Variants in PHIP observed in about 807,000 individuals in gnomAD.
PHIP encodes PH-interacting protein.
PHIP carries 54 observed loss-of-function variants against 236.8 expected under a neutral mutation model. The observed-to-expected ratio is 0.23, with a 90% CI of 0.18 to 0.29. The LOEUF is 0.29. Ranked by LOEUF, PHIP falls within the 10% of genes least tolerant of loss-of-function variation. The pLI is 1.00. For synonymous variants in PHIP, 756 were observed against 718.9 expected (o/e 1.05, Z -0.83); for missense variants, 1,370 against 2,190.8 (o/e 0.63, Z 7.48).
In PHIP at chr6:78,954,812, A is replaced by G; in HGVS notation, c.4053+2T>C. 6.4e-7 allele frequency: 1 copy of G among 1,569,978 alleles called. No individual in the cohort carries two copies. Among genetic ancestry groups the G allele is most frequent in the Non-Finnish European group, 8.6e-7 (1 of 1,162,576 alleles). ...AAAGAAAATATTTTCAAAAATACTT[A>G]CTGGATATTCAAGGAGATCTACCGG... On this transcript the variant is annotated splice_donor_variant, in intron 35 of 39. Coordinates refer to ENST00000275034, the MANE Select transcript of PHIP (RefSeq NM_017934.7). LOFTEE classifies it high-confidence loss of function.
At position 78,990,952 on chromosome 6, in the gene PHIP, T is replaced by C. The variant is rs1242656285; in HGVS notation, c.2235A>G (p.Glu745=). The change falls in exon 20 of 40, where the codon GAA becomes GAG. Residue 745 remains glutamate (E), a synonymous_variant. Transcript: ENST00000275034. ...CTGACCTGTAAGTCTTTATTTCTTC[T>C]TCTCCCTTTGCAGTTCTCCATTCTT... The part of the protein sequence containing the change: ...RQEEWRTAKG[E]EEIKTYRSEE... 6 of 1,611,670 alleles carry C rather than the reference T, an allele frequency of 3.7e-6. No homozygotes were observed. Among genetic ancestry groups the C allele is most frequent in the Non-Finnish European group, 5.1e-6 (6 of 1,178,214 alleles).
chr6:79,014,265 ATAATT>A (rs1328757454), intron 15 of PHIP, among the ~76,000 whole-genome samples: 1 of 151,776 alleles, frequency 6.6e-6, no homozygotes, highest in Non-Finnish European at 1.5e-5. Flanking sequence ...GTTTTGTGAA[ATAATT>A]TATTTGGCAA....
intron 21 of PHIP, among the ~76,000 whole-genome samples, chr6:78,987,271 A>G (rs1562154976): frequency 6.6e-6 from 1 of 152,124 alleles, no homozygotes; most frequent in Non-Finnish European, 1.5e-5. Context: ...ACATTTTATA[A>G]GATAAATAAT....
At chr6:79,029,945 G>A (rs1413981190) in intron 7 of PHIP, among the ~76,000 whole-genome samples, 2 of 152,090 alleles carry the variant, frequency 1.3e-5, no homozygotes, top group East Asian at 3.9e-4. Flanking sequence ...CTAGTTCCAC[G>A]AATGTTACTA....
intron 10 of PHIP, among the ~76,000 whole-genome samples, chr6:79,018,598 A>G (rs1246158715): frequency 6.6e-6 from 1 of 151,996 alleles, no homozygotes; most frequent in Admixed American, 6.6e-5. Context: ...TGCTGCATAA[A>G]CACAAATCTG....
Position 79,002,143 on chromosome 6 carries a change from A to G in PHIP, c.1654-19T>C. ...CTGCTATCTGCAAAAAGAAAAGTCC[A>G]TAAAAGACTGGAAAAATAAAAATGT... On this transcript the variant is annotated intron_variant, in intron 16 of 39. Coordinates refer to ENST00000275034, the MANE Select transcript of PHIP (RefSeq NM_017934.7). 6.5e-7 allele frequency: 1 copy of G among 1,533,214 alleles called. No homozygotes were observed. The highest frequency in any genetic ancestry group is 9.0e-7 in the Non-Finnish European group (1 of 1,115,560). 95.0% of individuals were successfully genotyped at this position (1,533,214 alleles called of 1,614,324 possible).
chr6:79,046,447 T>C (rs969000526), intron 6 of PHIP, among the ~76,000 whole-genome samples: 3 of 152,190 alleles, frequency 2.0e-5, no homozygotes, highest in Non-Finnish European at 4.4e-5. Context: ...TTATTTATTA[T>C]ATTCATTGCT....
rs760214958 is a variant in PHIP, at chr6:78,940,699, A to G, written c.5460T>C (p.Gly1820=). Residue 1820 remains glycine, a synonymous_variant, in exon 40 of 40, where the codon GGT becomes GGC. Coordinates refer to ENST00000275034, the MANE Select transcript of PHIP (RefSeq NM_017934.7). ...LTEKAKANLI[G]W ...TAAAATATTTTGGTACAAGTTACCA[A>G]CCAATTAAATTAGCTTTTGCTTTTT... The G allele has an allele frequency of 6.2e-7, 1 of 1,609,144 alleles. No individual in the cohort carries two copies. Among genetic ancestry groups the G allele is most frequent in the Non-Finnish European group, 8.5e-7 (1 of 1,176,656 alleles).
Position 78,971,837 on chromosome 6 carries a change from G to A in PHIP, c.2890-949C>T, listed in dbSNP as rs182840758. Among the ~76,000 whole-genome samples the A allele has an allele frequency of 2.7e-3, 405 of 150,444 alleles. 3 individuals are homozygous for A. Among genetic ancestry groups the A allele is most frequent in the African/African-American group, 5.5e-3 (226 of 40,906 alleles). ...TTTTCCAATGGGCTTAAAAAACGGC[G>A]CACCACGAAATTATATCCCGCACCT... On this transcript the variant is annotated intron_variant, in intron 24 of 39. Coordinates refer to ENST00000275034, the MANE Select transcript of PHIP (RefSeq NM_017934.7).
At chr6:79,074,193 G>A (rs1774031086) in intron 4 of PHIP, among the ~76,000 whole-genome samples, 1 of 151,932 alleles carries the variant, frequency 6.6e-6, no homozygotes, top group Non-Finnish European at 1.5e-5. Flanking sequence ...AGAAAGGCAA[G>A]TATCACTATT....
intron 35 of PHIP, among the ~76,000 whole-genome samples, chr6:78,951,408 T>C (rs2050661): frequency 0.45 from 68,977 of 151,968 alleles, 16,252 homozygotes; most frequent in East Asian, 0.69. Context: ...CTTTGAATAT[T>C]TGATTAAACT....
At chr6:78,989,387 A>G (rs191219054) in intron 20 of PHIP, among the ~76,000 whole-genome samples, 42 of 152,286 alleles carry the variant, frequency 2.8e-4, no homozygotes, top group Non-Finnish European at 5.1e-4. Context: ...GTCCCAACGC[A>G]CTCTGGCCTG....
At chr6:78,953,027 CCTT>C (rs1046524412) in intron 35 of PHIP, among the ~76,000 whole-genome samples, 2 of 151,152 alleles carry the variant, frequency 1.3e-5, no homozygotes, top group African/African-American at 4.9e-5. Flanking sequence ...TAGATCACTC[CCTT>C]ATATAGGTGT....
chr6:78,995,713 G>A (rs964966429), intron 19 of PHIP, among the ~76,000 whole-genome samples: 1 of 152,112 alleles, frequency 6.6e-6, no homozygotes, highest in Non-Finnish European at 1.5e-5. Flanking sequence ...TCTCCGGTTG[G>A]ATTCTGTTGT....
chr6:79,065,511 T>C (rs1243007290), intron 4 of PHIP, among the ~76,000 whole-genome samples: 1 of 152,144 alleles, frequency 6.6e-6, no homozygotes, highest in Non-Finnish European at 1.5e-5. Context: ...ACACTCTGCA[T>C]TTCCCCACAC....
At chr6:78,997,322 A>C (rs1769685885) in intron 19 of PHIP, 92 bp downstream of exon 19, 4 of 1,105,610 alleles carry the variant, frequency 3.6e-6, no homozygotes, top group Non-Finnish European at 5.3e-6. Context: ...TTTCAGAGGA[A>C]TTACAGAGCT....
intron 36 of PHIP, among the ~76,000 whole-genome samples, chr6:78,947,307 C>G (rs1201090866): frequency 6.6e-6 from 1 of 152,128 alleles, no homozygotes; most frequent in African/African-American, 2.4e-5. Flanking sequence ...TTGTAAAAAT[C>G]TTCGCAAAAA....
Position 78,947,611 on chromosome 6 carries a change from G to GT in PHIP, c.4206+11dup. On this transcript the variant is annotated intron_variant, in intron 36 of 39. Coordinates refer to ENST00000275034, the MANE Select transcript of PHIP (RefSeq NM_017934.7). ...TAATCTAGTCATAAAAGAAAATAAT[G>GT]TAATTATATACCCTTGATCTTTTGC... 1 of 1,268,782 alleles carries GT rather than the reference G, an allele frequency of 7.9e-7. No homozygotes were observed. Among genetic ancestry groups the GT allele is most frequent in the Non-Finnish European group, 1.1e-6 (1 of 893,652 alleles). 78.6% of individuals were successfully genotyped at this position (1,268,782 alleles called of 1,614,324 possible).
At chr6:79,066,837 T>C (rs1773646282) in intron 4 of PHIP, among the ~76,000 whole-genome samples, 1 of 152,170 alleles carries the variant, frequency 6.6e-6, no homozygotes, top group Non-Finnish European at 1.5e-5. Flanking sequence ...TCCCCAAGAA[T>C]GCCCATGTAT....
Sources: gnomAD v4.1 joint callset for allele counts (sites outside exome capture counted in the v4.1 genomes callset) on GRCh38, gnomAD v4.1.1 for gene constraint, MANE v1.5 for transcripts, NCBI Gene and HGNC (gene_info 2026-07-23, HGNC 2026-07-21) for gene names.